PTPRK: variants seen among roughly 807,000 people sequenced by gnomAD.
PTPRK encodes receptor-type tyrosine-protein phosphatase kappa.
PTPRK carries 75 observed loss-of-function variants against 178.0 expected under a neutral mutation model. The ratio of observed to expected loss-of-function variants is 0.42; its 90% CI spans 0.35 to 0.51. PTPRK has a LOEUF of 0.51. Among genes scored for constraint, PTPRK ranks in the 20% least tolerant of loss-of-function variants. The pLI, the probability that PTPRK is intolerant of heterozygous loss-of-function variation, is 0.02. For missense variants in PTPRK, 1,441 were observed against 1,797.8 expected (o/e 0.80, Z 3.59); for synonymous variants, 637 against 620.6 (o/e 1.03, Z -0.39).
intron 1 of PTPRK, among the ~76,000 whole-genome samples, chr6:128,473,765 A>G (rs1447074049): frequency 6.6e-5 from 10 of 152,116 alleles, no homozygotes; most frequent in African/African-American, 2.2e-4. Context: ...GATAACCAGA[A>G]TCTCCTGCTG....
intron 1 of PTPRK, among the ~76,000 whole-genome samples, chr6:128,433,043 C>A (rs1845040949): frequency 1.3e-5 from 2 of 152,012 alleles, no homozygotes; most frequent in African/African-American, 4.8e-5. Flanking sequence ...TATTTAGATT[C>A]ATGTATACAA....
chr6:128,491,180 C>T (rs1393914701), intron 1 of PTPRK, among the ~76,000 whole-genome samples: 8 of 152,176 alleles, frequency 5.3e-5, no homozygotes, highest in Non-Finnish European at 8.8e-5. Context: ...TTAGGCTAAG[C>T]CCCATTAAAT....
At chr6:128,418,064 A>G (rs1447077200) in intron 1 of PTPRK, among the ~76,000 whole-genome samples, 2 of 152,220 alleles carry the variant, frequency 1.3e-5, no homozygotes, top group Admixed American at 1.3e-4. Flanking sequence ...TAGACACTGT[A>G]TCTCGTCAAA....
chr6:128,392,060 T>A (rs562891655), intron 2 of PTPRK, among the ~76,000 whole-genome samples: 1 of 152,220 alleles, frequency 6.6e-6, no homozygotes, highest in East Asian at 1.9e-4. Flanking sequence ...TGAAAAATGG[T>A]CCTGGAATTA....
At chr6:128,093,219 T>G (rs1787290303) in intron 7 of PTPRK, among the ~76,000 whole-genome samples, 1 of 152,148 alleles carries the variant, frequency 6.6e-6, no homozygotes, top group Non-Finnish European at 1.5e-5. Context: ...AACATTTCTT[T>G]TTTTGTTGTT....
At chr6:128,231,916 GT>G (rs1812365240) in intron 5 of PTPRK, among the ~76,000 whole-genome samples, 1 of 152,188 alleles carries the variant, frequency 6.6e-6, no homozygotes, top group South Asian at 2.1e-4. Context: ...GCCCAAAATC[GT>G]TTTGTTTCTT....
chr6:128,052,631 T>C (rs554391645), intron 13 of PTPRK, among the ~76,000 whole-genome samples: 1 of 152,344 alleles, frequency 6.6e-6, no homozygotes, highest in African/African-American at 2.4e-5. Flanking sequence ...CCATAATGTC[T>C]TTCCCAACAT....
At chr6:128,461,727 A>G (rs184789062) in intron 1 of PTPRK, among the ~76,000 whole-genome samples, 107 of 152,298 alleles carry the variant, frequency 7.0e-4, no homozygotes, top group Non-Finnish European at 1.3e-3. Context: ...CTCCTAAAAG[A>G]AACCTAGTGC....
intron 3 of PTPRK, among the ~76,000 whole-genome samples, chr6:128,302,458 C>T (rs1825790066): frequency 6.7e-6 from 1 of 148,592 alleles, no homozygotes; most frequent in African/African-American, 2.5e-5. Flanking sequence ...CAGAACTATC[C>T]ATACTTCCAT....
chr6:128,405,034 G>T (rs73589560), intron 1 of PTPRK, among the ~76,000 whole-genome samples: 6,396 of 152,216 alleles, frequency 0.042, 458 homozygotes, highest in African/African-American at 0.14. Flanking sequence ...CATCCTATGA[G>T]AATAGACATG....
At chr6:128,010,836 T>C (rs1778970403) in intron 13 of PTPRK, among the ~76,000 whole-genome samples, 1 of 151,146 alleles carries the variant, frequency 6.6e-6, no homozygotes, top group African/African-American at 2.4e-5. Flanking sequence ...AGGCTTTGGC[T>C]GGTGTATTTT....
At chr6:128,481,776 G>A (rs1852118180) in intron 1 of PTPRK, among the ~76,000 whole-genome samples, 1 of 151,952 alleles carries the variant, frequency 6.6e-6, no homozygotes, top group Non-Finnish European at 1.5e-5. Context: ...GAACTTTCAT[G>A]AATATACATT....
chr6:128,310,157 G>C (rs371933445), intron 3 of PTPRK, among the ~76,000 whole-genome samples: 4 of 152,180 alleles, frequency 2.6e-5, no homozygotes, highest in African/African-American at 9.7e-5. Context: ...GAAGTAGATT[G>C]TGCCTTCTTT....
chr6:128,507,580 T>G (rs960538162), intron 1 of PTPRK, among the ~76,000 whole-genome samples: 1 of 152,184 alleles, frequency 6.6e-6, no homozygotes, highest in East Asian at 1.9e-4. Context: ...CAGCCACTGG[T>G]CTCCCTCTCT....
chr6:128,180,225 C>A (rs2114681316), intron 7 of PTPRK, among the ~76,000 whole-genome samples: 1 of 151,832 alleles, frequency 6.6e-6, no homozygotes, highest in African/African-American at 2.4e-5. Flanking sequence ...ATTTTATTTC[C>A]ATTTAATAAG....
intron 7 of PTPRK, among the ~76,000 whole-genome samples, chr6:128,132,076 A>G (rs2114464787): frequency 6.6e-6 from 1 of 152,376 alleles, no homozygotes; most frequent in South Asian, 2.1e-4. Flanking sequence ...GCTATGAAAT[A>G]AAATGCTCAG....
At position 128,290,895 on chromosome 6, in the gene PTPRK, T is replaced by C. The variant is rs550799906; in HGVS notation, c.495+31144A>G. Among the ~76,000 whole-genome samples the C allele has an allele frequency of 3.9e-5, 6 of 152,244 alleles. No individual in the cohort carries two copies. In the South Asian group the frequency reaches 1.2e-3, roughly 32 times the overall value. On this transcript the variant is annotated intron_variant, in intron 3 of 29. Transcript: ENST00000368226. ...TATGCCTGGTATTAAACAAGGCATT[T>C]AATATACTTTATCTTTTTTTTGCTG...
intron 6 of PTPRK, among the ~76,000 whole-genome samples, chr6:128,200,263 A>G (rs1275210177): frequency 1.3e-5 from 2 of 152,198 alleles, no homozygotes; most frequent in Non-Finnish European, 2.9e-5. Context: ...AACTCATCTA[A>G]TAACATCTCT....
intron 7 of PTPRK, among the ~76,000 whole-genome samples, chr6:128,096,361 C>T (rs776330603): frequency 1.3e-5 from 2 of 152,134 alleles, no homozygotes; most frequent in Non-Finnish European, 2.9e-5. Context: ...ACACGTGGTT[C>T]TAGATAACAG....
Sources: allele counts gnomAD v4.1 joint callset (sites outside exome capture counted in the v4.1 genomes callset), GRCh38; gene constraint gnomAD v4.1.1; transcripts MANE v1.5; gene names NCBI Gene and HGNC (gene_info 2026-07-23, HGNC 2026-07-21).